Variants in ANO3 observed in about 807,000 individuals in gnomAD.
The protein encoded by ANO3 is anoctamin 3.
In ANO3, 99 loss-of-function variants were observed where a neutral mutation model predicts 144.8. The ratio of observed to expected loss-of-function variants is 0.68; its 90% confidence interval spans 0.58 to 0.81. The LOEUF is 0.81. Ranked by LOEUF, ANO3 falls within the 30% of genes least tolerant of loss-of-function variation. The pLI, the probability that ANO3 is intolerant of heterozygous loss-of-function variation, is 0.00. For missense variants in ANO3, 905 were observed against 1,202.2 expected (o/e 0.75, Z 3.66); for synonymous variants, 414 against 392.6 (o/e 1.05, Z -0.64).
chr11:26,287,028 C>T (rs187079171), intron 1 of ANO3, among the ~76,000 whole-genome samples: 69 of 152,262 alleles, frequency 4.5e-4, no homozygotes, highest in Admixed American at 1.6e-3. Context: ...TTTACATTAC[C>T]TGCCCAATTA....
chr11:26,612,054 T>C (rs2132968731), intron 17 of ANO3, among the ~76,000 whole-genome samples: 1 of 152,282 alleles, frequency 6.6e-6, no homozygotes, highest in African/African-American at 2.4e-5. Flanking sequence ...TTTTAATCCA[T>C]TTGGCTACTC....
chr11:26,649,461 G>A (rs1324466918), intron 24 of ANO3, among the ~76,000 whole-genome samples: 1 of 152,140 alleles, frequency 6.6e-6, no homozygotes, highest in Non-Finnish European at 1.5e-5. Context: ...ATGTTCGGCC[G>A]GGCGCGGTGG....
At chr11:26,435,209 G>T (rs1393479822) in intron 1 of ANO3, among the ~76,000 whole-genome samples, 1 of 152,096 alleles carries the variant, frequency 6.6e-6, no homozygotes, top group African/African-American at 2.4e-5. Context: ...TGAAATGCTT[G>T]GTTGAAGATA....
At chr11:26,423,949 C>T (rs1857837018) in intron 1 of ANO3, among the ~76,000 whole-genome samples, 1 of 151,774 alleles carries the variant, frequency 6.6e-6, no homozygotes, top group African/African-American at 2.4e-5. Flanking sequence ...GTTTCATTTC[C>T]CATCTATGAC....
chr11:26,479,994 A>C (rs1171437472), intron 4 of ANO3, among the ~76,000 whole-genome samples: 1 of 152,166 alleles, frequency 6.6e-6, no homozygotes, highest in Non-Finnish European at 1.5e-5. Context: ...AGTTGGAGGA[A>C]CAGTGTGAGC....
At chr11:26,385,551 C>T (rs2169340) in intron 1 of ANO3, among the ~76,000 whole-genome samples, 144,404 of 152,112 alleles carry the variant, frequency 0.95, 68,590 homozygotes, top group East Asian at 1. Context: ...TCTCTTTCAA[C>T]GCAGTGTAGC....
At chr11:26,483,389 G>T (rs1274691701) in intron 4 of ANO3, among the ~76,000 whole-genome samples, 1 of 152,090 alleles carries the variant, frequency 6.6e-6, no homozygotes, top group Non-Finnish European at 1.5e-5. Flanking sequence ...CTGGAGGAGG[G>T]GTCTGGTAGG....
intron 21 of ANO3, among the ~76,000 whole-genome samples, chr11:26,641,064 A>C (rs975420203): frequency 2.6e-5 from 4 of 152,154 alleles, no homozygotes; most frequent in Admixed American, 6.6e-5. Flanking sequence ...TCCTGGAGGT[A>C]ATTTTCACTG....
At chr11:26,649,478 C>T (rs770448046) in intron 24 of ANO3, among the ~76,000 whole-genome samples, 3 of 152,200 alleles carry the variant, frequency 2.0e-5, no homozygotes, top group Non-Finnish European at 4.4e-5. Flanking sequence ...GTGGCTCACG[C>T]CTGTAATCCC....
chr11:26,242,348 T>C (rs1852681379), intron 1 of ANO3, among the ~76,000 whole-genome samples: 1 of 152,196 alleles, frequency 6.6e-6, no homozygotes. Context: ...TGAAATCTAC[T>C]CTGTAGATTT....
At chr11:26,432,900 A>T (rs1282625213) in intron 1 of ANO3, among the ~76,000 whole-genome samples, 1 of 152,160 alleles carries the variant, frequency 6.6e-6, no homozygotes, top group African/African-American at 2.4e-5. Context: ...TTTTGGTACC[A>T]TATGAATTTT....
chr11:26,621,140 T>A (rs1852403026), intron 17 of ANO3, among the ~76,000 whole-genome samples: 1 of 152,190 alleles, frequency 6.6e-6, no homozygotes, highest in African/African-American at 2.4e-5. Flanking sequence ...AACCATGTCC[T>A]TTTCCTGCCT....
At chr11:26,328,292 C>A (rs1405838263), upstream of ANO3, among the ~76,000 whole-genome samples, 1 of 152,104 alleles carries the variant, frequency 6.6e-6, no homozygotes, top group African/African-American at 2.4e-5. Context: ...AAATTTCACT[C>A]CATTTTTCCT....
At chr11:26,508,528 G>T (rs1307096990) in intron 5 of ANO3, 1 of 383,286 alleles carries the variant, frequency 2.6e-6, no homozygotes, top group Non-Finnish European at 4.6e-6. Context: ...TTATAGTTAT[G>T]TCAAGTAGAA....
chr11:26,655,798 A>C (rs982267734), intron 24 of ANO3, among the ~76,000 whole-genome samples: 1 of 152,184 alleles, frequency 6.6e-6, no homozygotes, highest in Non-Finnish European at 1.5e-5. Flanking sequence ...TATTATGTGC[A>C]TGCATATTTA....
intron 1 of ANO3, among the ~76,000 whole-genome samples, chr11:26,389,067 A>C (rs1406834424): frequency 6.6e-6 from 1 of 152,140 alleles, no homozygotes; most frequent in Non-Finnish European, 1.5e-5. Context: ...TAAGTCACAC[A>C]GAATTTCTTT....
intron 14 of ANO3, among the ~76,000 whole-genome samples, chr11:26,575,612 A>G (rs1431594016): frequency 1.3e-5 from 2 of 152,160 alleles, no homozygotes; most frequent in East Asian, 3.8e-4. Flanking sequence ...CATAACCTTT[A>G]CGACTATTTA....
chr11:26,574,864 C>T (rs1850946797), intron 14 of ANO3, among the ~76,000 whole-genome samples: 1 of 151,976 alleles, frequency 6.6e-6, no homozygotes, highest in Admixed American at 6.6e-5. Flanking sequence ...CTTGGTTAAG[C>T]AGAGGTTATG....
intron 1 of ANO3, among the ~76,000 whole-genome samples, chr11:26,246,758 G>A (rs1685482992): frequency 2.6e-5 from 4 of 151,920 alleles, no homozygotes; most frequent in African/African-American, 9.7e-5. Context: ...TTTTTCCTGT[G>A]CTGTTCTTGT....
Sources: allele counts gnomAD v4.1 joint callset (sites outside exome capture counted in the v4.1 genomes callset), GRCh38; gene constraint gnomAD v4.1.1; transcripts MANE v1.5; gene names NCBI Gene and HGNC (gene_info 2026-07-23, HGNC 2026-07-21).